Variants in CDIN1 observed in about 807,000 individuals in gnomAD.
CDIN1 encodes the protein CDAN1 interacting nuclease 1.
A neutral mutation model predicts 45.3 loss-of-function variants in CDIN1; 33 were observed. That is an observed-to-expected ratio of 0.73 (90% confidence interval 0.55 to 0.97). The LOEUF (loss-of-function observed/expected upper bound fraction) is 0.97. CDIN1 is among the 50% of genes least tolerant of loss of function. CDIN1 has a pLI of 0.00. For synonymous variants in CDIN1, 118 were observed against 124.4 expected, an observed-to-expected ratio of 0.95 and a Z score of 0.34; for missense variants, 303 against 339.4, an observed-to-expected ratio of 0.89 and a Z score of 0.84.
intron 10 of CDIN1, among the ~76,000 whole-genome samples, chr15:36,736,942 G>A (rs1253894478): frequency 2.0e-5 from 3 of 152,128 alleles, no homozygotes; most frequent in Non-Finnish European, 2.9e-5. Context: ...TGAGGCGAGC[G>A]GATCACCTGA....
At chr15:36,715,028 G>A (rs986848646) in intron 10 of CDIN1, among the ~76,000 whole-genome samples, 4 of 152,172 alleles carry the variant, frequency 2.6e-5, no homozygotes, top group Non-Finnish European at 5.9e-5. Flanking sequence ...TGCAGGACAC[G>A]GACCTCTCTT....
chr15:36,583,144 CT>C (rs955826891), intron 1 of CDIN1, among the ~76,000 whole-genome samples: 9 of 150,168 alleles, frequency 6.0e-5, no homozygotes, highest in African/African-American at 1.7e-4. Flanking sequence ...TAAATGTATG[CT>C]TTTTTTTTCT....
At chr15:36,774,376 G>C (rs901063451) in intron 10 of CDIN1, among the ~76,000 whole-genome samples, 2 of 151,758 alleles carry the variant, frequency 1.3e-5, no homozygotes, top group African/African-American at 4.8e-5. Flanking sequence ...TGGAGGGGAC[G>C]TCTGTACCAT....
chr15:36,653,903 G>T (rs2040674336), intron 3 of CDIN1, among the ~76,000 whole-genome samples, 195 bp from the exon 4 acceptor site: 1 of 152,192 alleles, frequency 6.6e-6, no homozygotes, highest in Admixed American at 6.5e-5. Context: ...CAGCTTCTTA[G>T]TTGCCAGTGG....
intron 10 of CDIN1, among the ~76,000 whole-genome samples, chr15:36,729,320 A>G (rs775726784): frequency 6.6e-6 from 1 of 152,240 alleles, no homozygotes; most frequent in African/African-American, 2.4e-5. Flanking sequence ...TGTAAGAGCT[A>G]TCACTGAGAA....
chr15:36,740,133 T>A (rs1157920280), intron 10 of CDIN1, among the ~76,000 whole-genome samples: 1 of 152,186 alleles, frequency 6.6e-6, no homozygotes, highest in Non-Finnish European at 1.5e-5. Flanking sequence ...CTCTGAGAAA[T>A]TCTGTGTCAA....
chr15:36,616,075 T>G (rs2140291511), intron 1 of CDIN1, among the ~76,000 whole-genome samples: 1 of 152,286 alleles, frequency 6.6e-6, no homozygotes. Context: ...TGATGTAGCC[T>G]CTTCCTTCTT....
At chr15:36,676,389 C>T (rs118028920) in intron 5 of CDIN1, among the ~76,000 whole-genome samples, 1 of 152,244 alleles carries the variant, frequency 6.6e-6, no homozygotes, top group East Asian at 1.9e-4. Flanking sequence ...TGCACTGAGG[C>T]AGACACCATG....
At chr15:36,582,150 A>G (rs186656421) in intron 1 of CDIN1, among the ~76,000 whole-genome samples, 1 of 152,314 alleles carries the variant, frequency 6.6e-6, no homozygotes, top group Admixed American at 6.5e-5. Context: ...TGACAGGCTC[A>G]CATTGTTTAT....
intron 5 of CDIN1, among the ~76,000 whole-genome samples, chr15:36,677,123 G>A (rs1246926178): frequency 1.3e-5 from 2 of 152,110 alleles, no homozygotes; most frequent in Non-Finnish European, 2.9e-5. Flanking sequence ...AGTTTGTTGA[G>A]TAGCTATTTT....
intron 1 of CDIN1, among the ~76,000 whole-genome samples, chr15:36,595,698 A>G (rs1391556922): frequency 6.6e-6 from 1 of 152,230 alleles, no homozygotes; most frequent in Non-Finnish European, 1.5e-5. Flanking sequence ...GCAGGAAACC[A>G]TGCTTTCAGG....
At chr15:36,620,151 ACCAT>A (rs1395592433) in intron 1 of CDIN1, among the ~76,000 whole-genome samples, 1 of 152,090 alleles carries the variant, frequency 6.6e-6, no homozygotes, top group Non-Finnish European at 1.5e-5. Flanking sequence ...GGAGATCGAG[ACCAT>A]CCTGGCTAAC....
intron 1 of CDIN1, among the ~76,000 whole-genome samples, chr15:36,586,390 T>A (rs1025402270): frequency 6.6e-6 from 1 of 152,176 alleles, no homozygotes; most frequent in Non-Finnish European, 1.5e-5. Context: ...GATTCTCTAT[T>A]TCTCTCACCA....
chr15:36,769,481 C>A (rs1411037751), intron 10 of CDIN1, among the ~76,000 whole-genome samples: 1 of 152,132 alleles, frequency 6.6e-6, no homozygotes, highest in East Asian at 1.9e-4. Context: ...GTTGGATGAA[C>A]CCCACCCACG....
At position 36,688,661 on chromosome 15, in the gene CDIN1, G is replaced by A. The variant is rs188693478; in HGVS notation, c.347-3024G>A. ...AAAAGCCAGATGCAAATTGGCCAGA[G>A]GTGGTCTAGGAACAGCTTCCATAAA... On this transcript the variant is annotated intron_variant, in intron 5 of 10. Transcript: ENST00000566621. Among the ~76,000 whole-genome samples, 3 of 152,344 alleles carry A rather than the reference G, an allele frequency of 2.0e-5. No individual in the cohort carries two copies. The East Asian group carries it at 5.8e-4, about 29-fold the overall frequency.
chr15:36,798,251 A>ATAAT (rs2054886164), intron 10 of CDIN1, among the ~76,000 whole-genome samples: 1 of 152,208 alleles, frequency 6.6e-6, no homozygotes, highest in Non-Finnish European at 1.5e-5. Flanking sequence ...CAGGTTATCC[A>ATAAT]TAATTTTTGA....
intron 10 of CDIN1, among the ~76,000 whole-genome samples, chr15:36,780,771 A>T (rs1174265045): frequency 6.6e-6 from 1 of 152,216 alleles, no homozygotes; most frequent in Admixed American, 6.5e-5. Flanking sequence ...TATTTTACTT[A>T]TAAGAACACT....
chr15:36,699,331 T>C lies in CDIN1; in HGVS notation c.544+1941T>C, dbSNP rs113976443. On this transcript the variant is annotated intron_variant, in intron 8 of 10. Transcript: ENST00000566621. ...ATAAATACCCCTTCACAGAGATTAA[T>C]TAGATTTAAAGTGTTGTGACAGGTA... is the stretch of plus-strand genomic sequence containing the variant. Among the ~76,000 whole-genome samples, 317 of 152,306 alleles carry C rather than the reference T, an allele frequency of 2.1e-3. 1 individual carries two copies. The highest frequency in any genetic ancestry group is 7.0e-3 in the African/African-American group (292 of 41,576).
chr15:36,596,986 T>C (rs1331895072), intron 1 of CDIN1, among the ~76,000 whole-genome samples: 2 of 152,198 alleles, frequency 1.3e-5, no homozygotes, highest in Non-Finnish European at 2.9e-5. Flanking sequence ...TATTAAATAA[T>C]ACCTTTCCTT....
Sources: allele counts gnomAD v4.1 joint callset (sites outside exome capture counted in the v4.1 genomes callset), GRCh38; gene constraint gnomAD v4.1.1; transcripts MANE v1.5; gene names NCBI Gene and HGNC (gene_info 2026-07-23, HGNC 2026-07-21).